The following IL2RG variants were observed in gnomAD, a reference collection of about 807,000 sequenced individuals.
IL2RG encodes interleukin 2 receptor subunit gamma.
For missense variants in IL2RG, 205 were observed against 272.9 expected, an observed-to-expected ratio of 0.75 and a Z score of 1.75; for synonymous variants, 111 against 108.5, an observed-to-expected ratio of 1.02 and a Z score of -0.15.
chrX:71,111,352 G>A, intron 1 of IL2RG, 73 bp downstream of exon 1: 4 of 1,162,465 alleles, frequency 3.4e-6, no homozygotes, highest in Non-Finnish European at 4.6e-6. Flanking sequence ...CCAGTGGCAG[G>A]CACCAGATCT....
At chrX:71,108,049 C>T in intron 7 of IL2RG, 128 bp from the exon 8 acceptor site, 2 of 572,264 alleles carry the variant, frequency 3.5e-6, no homozygotes, top group Non-Finnish European at 5.8e-6. Flanking sequence ...TACACAGGCT[C>T]CTGGGCCCCC....
chrX:71,111,154 G>A, intron 1 of IL2RG, 104 bp from the exon 2 acceptor site: 1 of 873,073 alleles, frequency 1.1e-6, no homozygotes, highest in Middle Eastern at 3.8e-4. Context: ...TGCTTTGAAA[G>A]GCTGAGGCAG....
chrX:71,111,336 T>C, intron 1 of IL2RG, 89 bp downstream of exon 1: 1 of 1,133,810 alleles, frequency 8.8e-7, no homozygotes, highest in Non-Finnish European at 1.2e-6. Context: ...CACATGATTG[T>C]AATGGCCAGT....
At chrX:71,111,268 T>C in intron 1 of IL2RG, 157 bp downstream of exon 1, 1 of 676,657 alleles carries the variant, frequency 1.5e-6, no homozygotes, top group Non-Finnish European at 2.2e-6. Flanking sequence ...AAAGAAGAAG[T>C]AGCGTGAGGC....
chrX:71,111,309 C>T, intron 1 of IL2RG, 116 bp downstream of exon 1: 1 of 1,033,382 alleles, frequency 9.7e-7, no homozygotes, highest in Non-Finnish European at 1.3e-6. Context: ...CTTCCCACTC[C>T]ACTTTTCAAT....
At chrX:71,111,118 A>G in intron 1 of IL2RG, 68 bp from the exon 2 acceptor site, 2 of 1,030,094 alleles carry the variant, frequency 1.9e-6, no homozygotes, top group Non-Finnish European at 2.7e-6. Flanking sequence ...GAGGCCAAGC[A>G]CGGTGGCTCA....
Position 71,108,177 on chromosome X carries a change from C to T in IL2RG, c.924+100G>A, listed in dbSNP as rs1294446215. ...ATCCTGACAGTTAGTGCAGGGCCTC[C>T]TTCCCTCTCCTCTCTGCCCCCACCC... On this transcript the variant is annotated intron_variant, in intron 7 of 7. Coordinates refer to ENST00000374202, the MANE Select transcript of IL2RG (RefSeq NM_000206.3). The T allele has an allele frequency of 5.1e-5, 33 of 651,206 alleles. 1 individual carries two copies. Among genetic ancestry groups the T allele is most frequent in the Non-Finnish European group, 3.6e-5 (14 of 391,253 alleles). 53.7% of individuals were successfully genotyped at this position (651,206 alleles called of 1,213,427 possible).
At position 71,108,346 on chromosome X, in the gene IL2RG, C is replaced by A. The variant is rs1331790748; in HGVS notation, c.855G>T (p.Arg285=). The change falls in exon 7 of 8, where the codon CGG becomes CGT. Residue 285 remains arginine, a splice_region_variant and synonymous_variant. Transcript: ENST00000374202. The part of the protein sequence containing the change: ...SLLCVYFWLE[R]TMPRIPTLKN... ...TCAGGGTGGGAATTCGGGGCATCGT[C>A]CTGACAGGGGAGAAAGAGGGAGCAG... 8.5e-7 allele frequency: 1 copy of A among 1,180,823 alleles called. No homozygotes were observed.
At chrX:71,109,193 G>A in intron 5 of IL2RG, 35 bp downstream of exon 5, 2 of 1,190,903 alleles carry the variant, frequency 1.7e-6, no homozygotes, top group Non-Finnish European at 2.3e-6. Flanking sequence ...CTGGGGTGTT[G>A]GGCTCATGGA....
Position 71,110,969 on chromosome X carries a change from T to C in IL2RG, c.197A>G (p.Asn66Ser). ...CCAAGTGCAATTCATGTACTCGACA[T>C]TGAACACAAAACACTGAACCTCTGG... is the stretch of plus-strand genomic sequence containing the variant. The part of the protein sequence containing the change: ...PLPEVQCFVF[N>S]VEYMNCTWNS... Residue 66 changes from asparagine (N) to serine (S), a missense_variant, in exon 2 of 8, where the codon AAT (asparagine) becomes AGT (serine). Physicochemically the swap from Asn to Ser is conservative, Grantham distance 46. Coordinates refer to ENST00000374202, the MANE Select transcript of IL2RG (RefSeq NM_000206.3). 1.7e-6 allele frequency: 2 copies of C among 1,208,519 alleles called. No homozygotes were observed. Among genetic ancestry groups the C allele is most frequent in the South Asian group, 1.8e-5 (1 of 56,516 alleles).
intron 5 of IL2RG, among the ~76,000 whole-genome samples, 182 bp from the exon 6 acceptor site, chrX:71,108,877 G>A (rs144067201): frequency 1.8e-3 from 198 of 112,723 alleles, no homozygotes; most frequent in Middle Eastern, 9.2e-3. Context: ...AGAGTTTAGG[G>A]ATGTGGCCAA....
At chrX:71,109,514 A>T in intron 4 of IL2RG, 124 bp from the exon 5 acceptor site, 1 of 629,411 alleles carries the variant, frequency 1.6e-6, no homozygotes, top group Non-Finnish European at 2.5e-6. Flanking sequence ...TCTCTTGACT[A>T]CTCAAGCCAC....
Position 71,110,594 on chromosome X carries a change from T to G in IL2RG, c.364A>C (p.Ile122Leu). Residue 122 changes from isoleucine to leucine, a missense_variant, in exon 3 of 8, where the codon ATC becomes CTC. Coordinates refer to ENST00000374202, the MANE Select transcript of IL2RG (RefSeq NM_000206.3). ...ACAACAAATGTTTGGTAGAGGTGGA[T>G]CTCCTTTTTTTGCAACTGACAGCCA... ...TSGCQLQKKEIHLYQTFVVQL... is the reference protein window; with the variant it reads ...TSGCQLQKKELHLYQTFVVQL... 8.3e-7 allele frequency: 1 copy of G among 1,209,647 alleles called. No homozygotes were observed. Among genetic ancestry groups the G allele is most frequent in the African/African-American group, 1.7e-5 (1 of 57,646 alleles).
chrX:71,108,711 A>C lies in IL2RG; in HGVS notation c.758-16T>G. 1 of 1,078,194 alleles carries C rather than the reference A, an allele frequency of 9.3e-7. No individual in the cohort carries two copies. Among genetic ancestry groups the C allele is most frequent in the Non-Finnish European group, 1.3e-6 (1 of 784,748 alleles). 88.9% of individuals were successfully genotyped at this position (1,078,194 alleles called of 1,213,427 possible). On this transcript the variant is annotated splice_polypyrimidine_tract_variant and intron_variant, in intron 5 of 7. Coordinates refer to ENST00000374202, the MANE Select transcript of IL2RG (RefSeq NM_000206.3). ...AAAGGATTCTCTATAGAAAAAAGAA[A>C]AGCAAAGTGGACCTTATATTTGTTG...
intron 4 of IL2RG, among the ~76,000 whole-genome samples, chrX:71,109,898 C>T (rs2092259421): frequency 1.1e-5 from 1 of 93,256 alleles, no homozygotes; most frequent in African/African-American, 4.1e-5. Flanking sequence ...CCACTGCACT[C>T]AAGCCTGGGC....
At chrX:71,108,817 G>A (rs1424707303) in intron 5 of IL2RG, 122 bp from the exon 6 acceptor site, 1 of 491,006 alleles carries the variant, frequency 2.0e-6, no homozygotes. Flanking sequence ...AACAGCTCCT[G>A]TGAGGCAGGA....
At chrX:71,108,409 C>T (rs905322064) in intron 6 of IL2RG, 63 bp from the exon 7 acceptor site, 5 of 829,543 alleles carry the variant, frequency 6.0e-6, no homozygotes, top group Non-Finnish European at 9.1e-6. Context: ...ACCCTTCTCC[C>T]AGTTGTCCCA....
Position 71,108,607 on chromosome X carries a change from C to G in IL2RG, c.846G>C (p.Trp282Cys), listed in dbSNP as rs1556329954. The G allele has an allele frequency of 8.4e-7, 1 of 1,185,386 alleles. No homozygotes were observed. The highest frequency in any genetic ancestry group is 1.1e-6 in the Non-Finnish European group (1 of 878,568). The change falls in exon 6 of 8, where the codon TGG becomes TGC. Residue 282 changes from tryptophan (W) to cysteine (C), a missense_variant. Trp to Cys is a radical substitution (Grantham distance 215, BLOSUM62 -2). Transcript: ENST00000374202. ...GCTTCTCCAAATCTCACCGTTCCAG[C>G]CAGAAATACACACAGAGAAGGCTGA... ...LIISLLCVYFWLERTMPRIPT... is the reference protein window; with the variant it reads ...LIISLLCVYFCLERTMPRIPT...
rs1602288813 is a variant in IL2RG at position 71,109,388 on chromosome X, T to G, written c.597A>C (p.Glu199Asp). 1 of 1,208,780 alleles carries G rather than the reference T, an allele frequency of 8.3e-7. No individual in the cohort carries two copies. The part of the protein sequence containing the change: ...YRTDWDHSWT[E>D]QSVDYRHKFS... Reference sequence around the variant, plus strand: ...ACTTATGTCTATAATCCACTGATTGTTCCTTGAGGAGAAAGAGGATGAGGG... The same window carrying G: ...ACTTATGTCTATAATCCACTGATTGGTCCTTGAGGAGAAAGAGGATGAGGG... Residue 199 changes from glutamate (E) to aspartate (D), a missense_variant and splice_region_variant, in exon 5 of 8, where the codon GAA becomes GAC. By Grantham distance (45) the Glu-to-Asp change is conservative (BLOSUM62 2). Transcript: ENST00000374202.
Sources: gnomAD v4.1 joint callset for allele counts (sites outside exome capture counted in the v4.1 genomes callset) on GRCh38, gnomAD v4.1.1 for gene constraint, MANE v1.5 for transcripts, NCBI Gene and HGNC (gene_info 2026-07-23, HGNC 2026-07-21) for gene names.